CAPN14: variants seen among roughly 807,000 people sequenced by gnomAD.
The protein encoded by CAPN14 is calpain 14.
Under a neutral mutation model 101.3 loss-of-function variants are expected in CAPN14, and 94 were observed. The observed-to-expected ratio is 0.93, with a 90% CI of 0.79 to 1.10. The LOEUF (loss-of-function observed/expected upper bound fraction) is 1.10. Among genes scored for constraint, CAPN14 ranks in the 50% least tolerant of loss-of-function variants. CAPN14 has a pLI of 0.00. For synonymous variants in CAPN14, 338 were observed against 317.9 expected (o/e 1.06, Z -0.67); for missense variants, 837 against 828.4 (o/e 1.01, Z -0.13).
chr2:31,195,329 C>A (rs767445410), intron 8 of CAPN14, among the ~76,000 whole-genome samples: 8 of 152,284 alleles, frequency 5.3e-5, no homozygotes, highest in Non-Finnish European at 7.4e-5. Flanking sequence ...AGTTAAAAGA[C>A]TTTATTTATT....
intron 9 of CAPN14, among the ~76,000 whole-genome samples, chr2:31,194,089 G>A (rs73921578): frequency 0.02 from 3,016 of 152,242 alleles, 47 homozygotes; most frequent in South Asian, 0.043. Context: ...CCTACCTCAT[G>A]GCCTTTTCAG....
At chr2:31,229,713 A>G (rs1331820190) in intron 1 of CAPN14, among the ~76,000 whole-genome samples, 1 of 151,702 alleles carries the variant, frequency 6.6e-6, no homozygotes, top group Non-Finnish European at 1.5e-5. Context: ...AAAGAAAAAG[A>G]AAGAAAACAG....
At chr2:31,199,776 T>C (rs542663146) in intron 6 of CAPN14, among the ~76,000 whole-genome samples, 1 of 152,278 alleles carries the variant, frequency 6.6e-6, no homozygotes, top group Non-Finnish European at 1.5e-5. Context: ...AAACTCTATT[T>C]AGAGTTGAGT....
chr2:31,201,344 T>C (rs1446564733), intron 5 of CAPN14, among the ~76,000 whole-genome samples: 1 of 152,084 alleles, frequency 6.6e-6, no homozygotes. Context: ...TGCAGTTGTG[T>C]CGTTGAAGCT....
chr2:31,223,507 A>G (rs938686630), intron 2 of CAPN14, among the ~76,000 whole-genome samples: 3 of 151,362 alleles, frequency 2.0e-5, no homozygotes. Context: ...CCTCATTTTA[A>G]GTACTAAGCT....
Position 31,193,327 on chromosome 2 carries a change from T to A in CAPN14, c.951-33A>T, listed in dbSNP as rs977651821. 5.2e-6 allele frequency: 8 copies of A among 1,548,334 alleles called. 1 individual carries two copies. The South Asian group carries it at 9.5e-5, about 18-fold the overall frequency. ...GAGAAGAAGGAAAAGCACAAAGAGA[T>A]GGACCAGATAACGCCTAGTTATCAG... is the stretch of plus-strand genomic sequence containing the variant. On this transcript the variant is annotated intron_variant, in intron 9 of 21. Coordinates refer to ENST00000403897, the MANE Select transcript of CAPN14 (RefSeq NM_001145122.2).
Position 31,178,008 on chromosome 2 carries a change from T to G in CAPN14, c.1780-187A>C, listed in dbSNP as rs542838700. Among the ~76,000 whole-genome samples the G allele has an allele frequency of 1.1e-4, 17 of 152,314 alleles. No homozygotes were observed. In the South Asian group the frequency reaches 3.3e-3, roughly 30 times the overall value. On this transcript the variant is annotated intron_variant, in intron 18 of 21. Coordinates refer to ENST00000403897, the MANE Select transcript of CAPN14 (RefSeq NM_001145122.2). ...TGGGATCCTACCGCCTCATGTTTCC[T>G]ACAGAACAAGGCTTCTGAGAAACAA... is the stretch of plus-strand genomic sequence containing the variant.
intron 1 of CAPN14, among the ~76,000 whole-genome samples, chr2:31,217,244 C>T (rs1366760205): frequency 6.6e-6 from 1 of 152,128 alleles, no homozygotes; most frequent in African/African-American, 2.4e-5. Context: ...GGGCTGAAGT[C>T]TATTCCTCAA....
At chr2:31,187,335 C>T (rs912544351) in intron 15 of CAPN14, among the ~76,000 whole-genome samples, 9 of 152,054 alleles carry the variant, frequency 5.9e-5, no homozygotes, top group African/African-American at 1.9e-4. Flanking sequence ...ACCTTCTCTC[C>T]AGGTGACCAC....
Position 31,176,580 on chromosome 2 carries a change from G to A in CAPN14, c.2028+7C>T. 2 of 1,551,370 alleles carry A rather than the reference G, an allele frequency of 1.3e-6. No homozygotes were observed. Among genetic ancestry groups the A allele is most frequent in the Non-Finnish European group, 1.7e-6 (2 of 1,146,642 alleles). ...GACATGAGCCACCTCCTTGGGGCAA[G>A]TCTTACCTCTGGCTTCTGGAGGTAT... is the stretch of plus-strand genomic sequence containing the variant. On this transcript the variant is annotated splice_region_variant and intron_variant, in intron 21 of 21. Transcript: ENST00000403897.
intron 17 of CAPN14, 91 bp downstream of exon 17, chr2:31,180,845 A>C: frequency 9.1e-7 from 1 of 1,093,846 alleles, no homozygotes; most frequent in Admixed American, 2.1e-5. Context: ...ATTAGCAAGG[A>C]TTGGGGTTGG....
intron 1 of CAPN14, among the ~76,000 whole-genome samples, chr2:31,212,090 A>T (rs1682427954): frequency 6.6e-6 from 1 of 152,188 alleles, no homozygotes; most frequent in South Asian, 2.1e-4. Flanking sequence ...GGCCAAGATC[A>T]CTTGAGGTCA....
intron 2 of CAPN14, among the ~76,000 whole-genome samples, chr2:31,223,224 T>G (rs1682911943): frequency 6.6e-6 from 1 of 152,252 alleles, no homozygotes; most frequent in African/African-American, 2.4e-5. Context: ...AGCATGCAGA[T>G]GCAGAAAGAA....
chr2:31,196,276 T>G (rs564635037), intron 8 of CAPN14, among the ~76,000 whole-genome samples: 1 of 152,220 alleles, frequency 6.6e-6, no homozygotes, highest in Non-Finnish European at 1.5e-5. Context: ...GTAACAACAC[T>G]GTAATTGTAC....
At chr2:31,213,484 G>C (rs1301149444) in intron 1 of CAPN14, among the ~76,000 whole-genome samples, 1 of 152,192 alleles carries the variant, frequency 6.6e-6, no homozygotes, top group Non-Finnish European at 1.5e-5. Context: ...TTACTATGCT[G>C]TCCTTCATAG....
At chr2:31,194,303 C>A in intron 9 of CAPN14, 106 bp downstream of exon 9, 1 of 777,296 alleles carries the variant, frequency 1.3e-6, no homozygotes, top group South Asian at 1.5e-5. Context: ...CCTTATTGAT[C>A]TCTGTACATG....
intron 1 of CAPN14, among the ~76,000 whole-genome samples, chr2:31,229,405 AT>A (rs1311721157): frequency 2.6e-5 from 4 of 152,216 alleles, no homozygotes; most frequent in Admixed American, 6.5e-5. Flanking sequence ...CAAGGACCAG[AT>A]TTTTTTTAAA....
chr2:31,191,029 T>C (rs1681150039), intron 12 of CAPN14, among the ~76,000 whole-genome samples: 1 of 152,210 alleles, frequency 6.6e-6, no homozygotes, highest in African/African-American at 2.4e-5. Context: ...AAATCTATTT[T>C]ATTTTGGGTT....
chr2:31,176,513 T>A (rs909067333), intron 21 of CAPN14, 74 bp downstream of exon 21: 1 of 1,204,922 alleles, frequency 8.3e-7, no homozygotes, highest in Non-Finnish European at 1.2e-6. Flanking sequence ...CCCTTCTCCT[T>A]CACAAGAGCA....
Sources: gnomAD v4.1 joint callset for allele counts (sites outside exome capture counted in the v4.1 genomes callset) on GRCh38, gnomAD v4.1.1 for gene constraint, MANE v1.5 for transcripts, NCBI Gene and HGNC (gene_info 2026-07-23, HGNC 2026-07-21) for gene names.